FGGY: variants seen among roughly 807,000 people sequenced by gnomAD.
FGGY encodes FGGY carbohydrate kinase domain containing, also known as FGGY carbohydrate kinase domain-containing protein.
A neutral mutation model predicts 71.3 loss-of-function variants in FGGY; 72 were observed. That is an observed-to-expected ratio of 1.01 (90% CI 0.84 to 1.23). FGGY has a LOEUF of 1.23. Among genes scored for constraint, FGGY ranks in the 50% most tolerant of loss-of-function variants. The probability of loss-of-function intolerance (pLI) is 0.00; values close to 1 mark genes in which losing one functional copy is unlikely to be tolerated. For missense variants in FGGY, 668 were observed against 682.3 expected, an observed-to-expected ratio of 0.98 and a Z score of 0.23; for synonymous variants, 251 against 250.3, an observed-to-expected ratio of 1.00 and a Z score of -0.02.
intron 6 of FGGY, among the ~76,000 whole-genome samples, chr1:59,501,952 A>C (rs2094238791): frequency 6.6e-6 from 1 of 152,216 alleles, no homozygotes; most frequent in African/African-American, 2.4e-5. Flanking sequence ...AGGGAGTCAT[A>C]ATAACCATAA....
chr1:59,528,907 C>T (rs1467783155), intron 7 of FGGY, among the ~76,000 whole-genome samples: 6 of 152,150 alleles, frequency 3.9e-5, no homozygotes, highest in African/African-American at 9.7e-5. Flanking sequence ...CAGCCAAATG[C>T]GTGGCCTAAT....
intron 7 of FGGY, among the ~76,000 whole-genome samples, chr1:59,543,483 GA>G (rs1057461904): frequency 6.6e-6 from 1 of 152,176 alleles, no homozygotes; most frequent in Non-Finnish European, 1.5e-5. Context: ...CCTCCCCAGG[GA>G]AAATCCTAGC....
intron 8 of FGGY, among the ~76,000 whole-genome samples, chr1:59,571,549 G>C (rs2095985475): frequency 6.6e-6 from 1 of 152,214 alleles, no homozygotes; most frequent in African/African-American, 2.4e-5. Flanking sequence ...CAATTTGACT[G>C]TGCACATGCC....
chr1:59,371,499 G>A (rs1160435817), intron 4 of FGGY, among the ~76,000 whole-genome samples: 5 of 152,062 alleles, frequency 3.3e-5, no homozygotes, highest in South Asian at 2.1e-4. Context: ...ACAGATCAAC[G>A]AGACAGAAAG....
At chr1:59,704,621 C>T (rs1280713198) in intron 14 of FGGY, among the ~76,000 whole-genome samples, 1 of 152,052 alleles carries the variant, frequency 6.6e-6, no homozygotes, top group African/African-American at 2.4e-5. Context: ...AAAGCTGCCC[C>T]ATGTCTATTA....
At chr1:59,613,687 C>G (rs1053990452) in intron 9 of FGGY, among the ~76,000 whole-genome samples, 9 of 152,000 alleles carry the variant, frequency 5.9e-5, no homozygotes, top group Non-Finnish European at 1.3e-4. Context: ...AAAAACCCTT[C>G]AAAAAATCGA....
chr1:59,457,566 A>G (rs942689034), intron 6 of FGGY, among the ~76,000 whole-genome samples: 2 of 152,038 alleles, frequency 1.3e-5, no homozygotes, highest in Non-Finnish European at 1.5e-5. Flanking sequence ...GTGAGCTGAG[A>G]TCGTGCCACT....
At chr1:59,359,144 C>G (rs1256408272) in intron 4 of FGGY, among the ~76,000 whole-genome samples, 1 of 151,804 alleles carries the variant, frequency 6.6e-6, no homozygotes, top group Non-Finnish European at 1.5e-5. Flanking sequence ...TGAGAGCTCT[C>G]TTATTTTGCT....
intron 14 of FGGY, among the ~76,000 whole-genome samples, chr1:59,721,583 C>T (rs2097896699): frequency 2.6e-5 from 4 of 152,218 alleles, no homozygotes; most frequent in South Asian, 4.2e-4. Context: ...AGTGATCCAC[C>T]TGCCTTGGCT....
chr1:59,645,151 G>A (rs571133377), intron 11 of FGGY, among the ~76,000 whole-genome samples: 1 of 152,308 alleles, frequency 6.6e-6, no homozygotes, highest in African/African-American at 2.4e-5. Flanking sequence ...AACTTGTCTT[G>A]AAGATATACC....
chr1:59,714,856 A>T (rs116506698), intron 14 of FGGY, among the ~76,000 whole-genome samples: 2,086 of 152,340 alleles, frequency 0.014, 17 homozygotes, highest in Non-Finnish European at 0.022. Context: ...TGTATTTGAC[A>T]TATGAAAAGA....
chr1:59,603,513 T>G lies in FGGY; in HGVS notation c.904-4290T>G, dbSNP rs546937709. On this transcript the variant is annotated intron_variant, in intron 8 of 15. Coordinates refer to ENST00000303721, the MANE Select transcript of FGGY (RefSeq NM_018291.5). ...TGGTGTTTAACATATAATAAACCAT[T>G]GATATGTGACAGCTTACTTAATCTT... 3.9e-5 allele frequency among the ~76,000 whole-genome samples: 6 copies of G among 152,328 alleles called. No homozygotes were observed. In the South Asian group the frequency reaches 1.2e-3, roughly 32 times the overall value.
At chr1:59,667,186 T>A in intron 12 of FGGY, 97 bp from the exon 13 acceptor site, 2 of 1,437,218 alleles carry the variant, frequency 1.4e-6, no homozygotes, top group Non-Finnish European at 1.9e-6. Flanking sequence ...ATGTAGAGCT[T>A]AGTACAGTGT....
intron 1 of FGGY, chr1:59,315,818 T>C (rs1570211581): frequency 6.6e-6 from 1 of 152,366 alleles, no homozygotes; most frequent in South Asian, 2.1e-4. Context: ...TGGGTTTCTT[T>C]TGAGCCAGTC....
chr1:59,344,052 G>A (rs144107165), intron 3 of FGGY, among the ~76,000 whole-genome samples: 3 of 152,154 alleles, frequency 2.0e-5, no homozygotes, highest in Admixed American at 6.5e-5. Flanking sequence ...TCAAGGCGAC[G>A]CTAATGTGCA....
chr1:59,507,684 A>ATTGTTTTTTTTTTTTTTTTTTTTTT (rs2094423110), intron 6 of FGGY, among the ~76,000 whole-genome samples: 1 of 106,944 alleles, frequency 9.4e-6, no homozygotes, highest in African/African-American at 4.1e-5. Context: ...TGCTTGGCTA[A>ATTGTTTTTTTTTTTTTTTTTTTTTT]TTTTTTTTTT....
intron 5 of FGGY, among the ~76,000 whole-genome samples, chr1:59,392,342 C>T (rs914963740): frequency 6.6e-6 from 1 of 152,164 alleles, no homozygotes; most frequent in African/African-American, 2.4e-5. Flanking sequence ...GCTCTTAAGG[C>T]TTGGCGGTTT....
intron 8 of FGGY, among the ~76,000 whole-genome samples, chr1:59,589,777 T>C (rs201359821): frequency 6.6e-6 from 1 of 151,810 alleles, no homozygotes. Flanking sequence ...CTCTGGGACA[T>C]ATTCAAAGCA....
At chr1:59,309,536 T>A (rs933082315) in intron 1 of FGGY, among the ~76,000 whole-genome samples, 7 of 152,198 alleles carry the variant, frequency 4.6e-5, no homozygotes, top group African/African-American at 1.7e-4. Context: ...TTGGGCTTTA[T>A]TTTGGGCAGA....
Sources: gnomAD v4.1 joint callset for allele counts (sites outside exome capture counted in the v4.1 genomes callset) on GRCh38, gnomAD v4.1.1 for gene constraint, MANE v1.5 for transcripts, NCBI Gene and HGNC (gene_info 2026-07-23, HGNC 2026-07-21) for gene names.